The following NPAT variants were observed in gnomAD, a reference collection of about 807,000 sequenced individuals.
NPAT encodes protein NPAT.
In NPAT, 52 loss-of-function variants were observed where a neutral mutation model predicts 130.7. The ratio of observed to expected loss-of-function variants is 0.40; its 90% CI spans 0.32 to 0.50. NPAT has a LOEUF of 0.50. Ranked by LOEUF, NPAT falls within the 20% of genes least tolerant of loss-of-function variation. The pLI is 0.68. For synonymous variants in NPAT, 580 were observed against 584.8 expected (o/e 0.99, Z 0.12); for missense variants, 1,687 against 1,662.6 (o/e 1.01, Z -0.26).
In NPAT at chr11:108,189,365, C is replaced by A. The variant is rs547811438; in HGVS notation, c.332-35G>T. The A allele has an allele frequency of 5.3e-5, 84 of 1,595,294 alleles. No individual in the cohort carries two copies. In the South Asian group the frequency reaches 8.9e-4, roughly 17 times the overall value. On this transcript the variant is annotated intron_variant, in intron 5 of 17. Transcript: ENST00000278612. ...ATAAGCATTTAAAAAACAAATTCAA[C>A]GTCAGGGTAGTTTGGGAATTGTAAG... is the stretch of plus-strand genomic sequence containing the variant.
At chr11:108,187,030 T>C (rs1467187228) in intron 7 of NPAT, among the ~76,000 whole-genome samples, 1 of 152,230 alleles carries the variant, frequency 6.6e-6, no homozygotes, top group African/African-American at 2.4e-5. Flanking sequence ...CAGCAAGCTC[T>C]GACTCTCTAA....
chr11:108,179,224 A>G (rs1288506274), intron 10 of NPAT, among the ~76,000 whole-genome samples: 4 of 152,218 alleles, frequency 2.6e-5, no homozygotes, highest in Admixed American at 2.6e-4. Flanking sequence ...GAAAATTTAC[A>G]TTTAAATATT....
chr11:108,205,759 T>C (rs776513175), intron 1 of NPAT, among the ~76,000 whole-genome samples: 10 of 152,022 alleles, frequency 6.6e-5, no homozygotes, highest in South Asian at 2.1e-4. Context: ...TAAAGCAGTA[T>C]AGGTTAGGTG....
chr11:108,178,567 T>C (rs1363229022), intron 10 of NPAT, among the ~76,000 whole-genome samples: 2 of 152,140 alleles, frequency 1.3e-5, no homozygotes, highest in Non-Finnish European at 2.9e-5. Flanking sequence ...AAAATTCCTA[T>C]GGAATCTGGG....
intron 10 of NPAT, among the ~76,000 whole-genome samples, chr11:108,177,837 C>T (rs1360485202): frequency 6.6e-6 from 1 of 152,132 alleles, no homozygotes; most frequent in African/African-American, 2.4e-5. Context: ...CCTCTCACCT[C>T]AGCCTTCTGA....
At chr11:108,164,246 G>A (rs1203591082) in intron 15 of NPAT, among the ~76,000 whole-genome samples, 1 of 152,180 alleles carries the variant, frequency 6.6e-6, no homozygotes, top group African/African-American at 2.4e-5. Flanking sequence ...AAGCAGACAC[G>A]CAGATATTTA....
At chr11:108,189,820 A>C (rs2078147896) in intron 5 of NPAT, among the ~76,000 whole-genome samples, 1 of 148,796 alleles carries the variant, frequency 6.7e-6, no homozygotes, top group Non-Finnish European at 1.5e-5. Context: ...CAGTGAGCCG[A>C]GATCGCGCCA....
Position 108,172,801 on chromosome 11 carries a change from T to C in NPAT, c.2183A>G (p.Asn728Ser), listed in dbSNP as rs752029663. ...QNTDDKPSSN[N>S]SAEIDASNIV... ...ATTTGATGCATCTATCTCTGCTGAG[T>C]TGTTGCTAGAAGGTTTATCATCAGT... The change falls in exon 13 of 18, where the codon AAC (asparagine) becomes AGC (serine). Residue 728 changes from asparagine to serine, a missense_variant. Coordinates refer to ENST00000278612, the MANE Select transcript of NPAT (RefSeq NM_002519.3). 3.7e-6 allele frequency: 6 copies of C among 1,613,760 alleles called. No homozygotes were observed. The highest frequency in any genetic ancestry group is 1.6e-4 in the Middle Eastern group (1 of 6,062).
intron 3 of NPAT, among the ~76,000 whole-genome samples, chr11:108,193,674 G>A (rs2078192459): frequency 6.6e-6 from 1 of 152,140 alleles, no homozygotes; most frequent in South Asian, 2.1e-4. Context: ...GCAGTGAGCT[G>A]AGATTACGCC....
Position 108,176,117 on chromosome 11 carries a change from G to A in NPAT, c.1132+129C>T, listed in dbSNP as rs2078003201. 3 of 702,410 alleles carry A rather than the reference G, an allele frequency of 4.3e-6. No individual in the cohort carries two copies. The South Asian group carries it at 5.3e-5, about 13-fold the overall frequency. 43.5% of individuals were successfully genotyped at this position (702,410 alleles called of 1,614,324 possible). On this transcript the variant is annotated intron_variant, in intron 12 of 17. Coordinates refer to ENST00000278612, the MANE Select transcript of NPAT (RefSeq NM_002519.3). ...AAGATTTATAATTGTTTTTAACAGA[G>A]AGAAAAATACAAAAATGACCTATAA...
chr11:108,207,985 G>A (rs2078345504), intron 1 of NPAT, among the ~76,000 whole-genome samples: 1 of 152,230 alleles, frequency 6.6e-6, no homozygotes. Flanking sequence ...ACACCATCCA[G>A]TAATCAAGTA....
At chr11:108,187,104 T>C (rs920733661) in intron 7 of NPAT, among the ~76,000 whole-genome samples, 6 of 152,156 alleles carry the variant, frequency 3.9e-5, no homozygotes, top group African/African-American at 1.2e-4. Context: ...ATAAAGTATA[T>C]ATAAAGACTT....
intron 1 of NPAT, 80 bp downstream of exon 1, chr11:108,222,420 A>G: frequency 6.8e-7 from 1 of 1,475,622 alleles, no homozygotes; most frequent in Middle Eastern, 1.8e-4. Flanking sequence ...TTCCCTACCA[A>G]GGGAAAACCT....
Position 108,173,559 on chromosome 11 carries a change from C to T in NPAT, c.1425G>A (p.Met475Ile), listed in dbSNP as rs752795729. The T allele has an allele frequency of 6.2e-7, 1 of 1,614,156 alleles. No homozygotes were observed. ...PHCAELYTNQ[M>I]STETEMAIGI... ...CTATAGCCATTTCAGTTTCAGTGGA[C>T]ATCTGATTGGTGTATAATTCAGCAC... The change falls in exon 13 of 18, where the codon ATG becomes ATA. Residue 475 changes from methionine to isoleucine, a missense_variant. Met to Ile is a conservative substitution (Grantham distance 10, BLOSUM62 1). Coordinates refer to ENST00000278612, the MANE Select transcript of NPAT (RefSeq NM_002519.3).
At chr11:108,190,078 G>A (rs1359302649) in intron 5 of NPAT, among the ~76,000 whole-genome samples, 2 of 151,954 alleles carry the variant, frequency 1.3e-5, no homozygotes, top group Non-Finnish European at 2.9e-5. Flanking sequence ...TTGGGAGGCT[G>A]AGGCAGGCGG....
intron 10 of NPAT, among the ~76,000 whole-genome samples, chr11:108,181,275 C>T (rs139215477): frequency 6.6e-6 from 1 of 152,274 alleles, no homozygotes; most frequent in South Asian, 2.1e-4. Flanking sequence ...ACCAGCCTGG[C>T]CGACATGGCA....
chr11:108,201,026 C>T (rs1408839198), intron 1 of NPAT, among the ~76,000 whole-genome samples: 4 of 152,190 alleles, frequency 2.6e-5, no homozygotes, highest in Non-Finnish European at 5.9e-5. Context: ...CCTTTATCCT[C>T]AGGTGAAAGT....
intron 17 of NPAT, among the ~76,000 whole-genome samples, chr11:108,159,496 T>C (rs1382727021): frequency 1.3e-5 from 2 of 152,214 alleles, no homozygotes; most frequent in South Asian, 2.1e-4. Context: ...GACTTAACCA[T>C]GATCACAGGA....
Position 108,172,261 on chromosome 11 carries a change from G to A in NPAT, c.2723C>T (p.Thr908Ile), listed in dbSNP as rs753278668. Residue 908 changes from threonine to isoleucine, a missense_variant, in exon 13 of 18, where the codon ACA (threonine) becomes ATA (isoleucine). This residue lies in a region of NPAT where 1,379 missense variants were observed against 1,346.6 expected (regional missense o/e 1.02). Coordinates refer to ENST00000278612, the MANE Select transcript of NPAT (RefSeq NM_002519.3). ...AAATACACTGTTTGACCTTGGTGGT[G>A]TCTGTAACTGAGGTGGTAGAGGTTG... is the stretch of plus-strand genomic sequence containing the variant. ...TAQPLPPQLQ[T>I]PPRSNSVFAV... The A allele has an allele frequency of 6.2e-7, 1 of 1,613,850 alleles. No homozygotes were observed. Among genetic ancestry groups the A allele is most frequent in the Admixed American group, 1.7e-5 (1 of 60,032 alleles).
Sources: allele counts gnomAD v4.1 joint callset (sites outside exome capture counted in the v4.1 genomes callset), GRCh38; gene constraint gnomAD v4.1.1; regional missense constraint gnomAD v4.1.1; transcripts MANE v1.5; gene names NCBI Gene and HGNC (gene_info 2026-07-23, HGNC 2026-07-21).